Variants in PRKCH observed in about 807,000 individuals in gnomAD.
PRKCH encodes the protein protein kinase C eta type.
A neutral mutation model predicts 82.5 loss-of-function variants in PRKCH; 28 were observed. That is an observed-to-expected ratio of 0.34 (90% CI 0.25 to 0.47). PRKCH has a LOEUF of 0.47. Ranked by LOEUF, PRKCH falls within the 20% of genes least tolerant of loss-of-function variation. PRKCH has a pLI of 1.00. For synonymous variants in PRKCH, 322 were observed against 327.4 expected, an observed-to-expected ratio of 0.98 and a Z score of 0.18; for missense variants, 705 against 881.8, an observed-to-expected ratio of 0.80 and a Z score of 2.54.
intron 1 of PRKCH, among the ~76,000 whole-genome samples, chr14:61,234,585 A>G (rs930803899): frequency 2.0e-5 from 3 of 152,156 alleles, no homozygotes; most frequent in African/African-American, 7.2e-5. Flanking sequence ...CAATATTTTA[A>G]TTGCATGTTC....
chr14:61,528,280 A>G (rs1181294694), intron 10 of PRKCH, among the ~76,000 whole-genome samples: 1 of 151,624 alleles, frequency 6.6e-6, no homozygotes, highest in Non-Finnish European at 1.5e-5. Context: ...TGCAGCCTCA[A>G]CCTCCTGGGC....
In PRKCH at chr14:61,401,101, C is replaced by T. The variant is rs567924000; in HGVS notation, c.427+9813C>T. On this transcript the variant is annotated intron_variant, in intron 2 of 13. Coordinates refer to ENST00000332981, the MANE Select transcript of PRKCH (RefSeq NM_006255.5). ...TTTGCAAGGCTTCCCTTGAGTTCCT[C>T]CTCCTTAAACTGGAGGACCAACATT... 5.3e-4 allele frequency among the ~76,000 whole-genome samples: 80 copies of T among 152,292 alleles called. 2 individuals are homozygous for T. In the South Asian group the frequency reaches 6.4e-3, roughly 12 times the overall value.
intron 1 of PRKCH, among the ~76,000 whole-genome samples, chr14:61,387,841 A>G (rs753939908): frequency 3.3e-5 from 5 of 152,172 alleles, no homozygotes; most frequent in Admixed American, 1.3e-4. Context: ...TTCTGTTTTT[A>G]TTCTACTTTG....
intron 2 of PRKCH, among the ~76,000 whole-genome samples, chr14:61,439,685 C>G (rs1221462255): frequency 6.6e-6 from 1 of 151,978 alleles, no homozygotes; most frequent in African/African-American, 2.4e-5. Flanking sequence ...AGCATGTCAC[C>G]CGGCTTTAGG....
chr14:61,230,680 T>C (rs892448313), intron 1 of PRKCH, among the ~76,000 whole-genome samples: 1 of 152,214 alleles, frequency 6.6e-6, no homozygotes, highest in Non-Finnish European at 1.5e-5. Flanking sequence ...GTATGCAAAC[T>C]CTGACCACTG....
chr14:61,452,143 G>A (rs1012888918), intron 6 of PRKCH, among the ~76,000 whole-genome samples: 1 of 152,118 alleles, frequency 6.6e-6, no homozygotes, highest in African/African-American at 2.4e-5. Context: ...CAGCAATCCG[G>A]CTCTTGTGAT....
upstream of PRKCH, among the ~76,000 whole-genome samples, chr14:61,320,707 T>A (rs1309359299): frequency 6.6e-6 from 1 of 152,196 alleles, no homozygotes; most frequent in Non-Finnish European, 1.5e-5. Flanking sequence ...CAGCGTAGGC[T>A]AAAAGGTCCT....
intron 1 of PRKCH, among the ~76,000 whole-genome samples, chr14:61,325,754 A>G (rs913376820): frequency 6.6e-6 from 1 of 152,234 alleles, no homozygotes. Flanking sequence ...TAACAGCACA[A>G]TAATAATGAG....
Position 61,280,010 on chromosome 14 carries a change from G to A in PRKCH, c.-19+92342G>A. ...GGAAAAGCTAGGCGAGGTTGGAATT[G>A]GGTGACGGGCGAGGAGGAGATGCCA... On this transcript the variant is annotated intron_variant, in intron 1 of 3. Coordinates refer to the PRKCH transcript ENST00000555185. The surrounding 1 kb of genome is among the most constrained non-coding windows in gnomAD (Gnocchi z 5.0). The A allele has an allele frequency of 3.3e-6, 4 of 1,228,566 alleles. No individual in the cohort carries two copies. In the South Asian group the frequency reaches 6.3e-5, roughly 19 times the overall value. The allele number at this position is 1,228,566 out of a possible 1,614,324, so 76.1% of individuals were successfully genotyped here.
At chr14:61,542,065 G>T (rs141374268) in intron 12 of PRKCH, among the ~76,000 whole-genome samples, 2 of 152,118 alleles carry the variant, frequency 1.3e-5, no homozygotes, top group Non-Finnish European at 2.9e-5. Context: ...CGAGGCAGGC[G>T]GATCACTTGA....
At chr14:61,326,983 C>G in intron 1 of PRKCH, 1 of 447,518 alleles carries the variant, frequency 2.2e-6, no homozygotes, top group South Asian at 1.6e-5. Flanking sequence ...GGACCAGCAT[C>G]TAATGCTTAA....
chr14:61,376,199 G>T (rs188162301), intron 1 of PRKCH, among the ~76,000 whole-genome samples: 8 of 152,228 alleles, frequency 5.3e-5, no homozygotes, highest in African/African-American at 1.9e-4. Context: ...GGTTGTGAAG[G>T]TCTGCTCAGG....
intron 12 of PRKCH, among the ~76,000 whole-genome samples, chr14:61,536,411 C>T (rs1376623116): frequency 6.6e-6 from 1 of 152,090 alleles, no homozygotes; most frequent in Non-Finnish European, 1.5e-5. Context: ...AGATCCTTTC[C>T]CGGCCTGCTG....
At chr14:61,253,929 G>A (rs967991979) in intron 1 of PRKCH, among the ~76,000 whole-genome samples, 2 of 151,346 alleles carry the variant, frequency 1.3e-5, no homozygotes, top group Non-Finnish European at 2.9e-5. Flanking sequence ...AGGTAAACAC[G>A]TACACAAATG....
At chr14:61,513,136 C>T (rs1056207962) in intron 10 of PRKCH, among the ~76,000 whole-genome samples, 1 of 152,164 alleles carries the variant, frequency 6.6e-6, no homozygotes, top group Admixed American at 6.5e-5. Context: ...AAGCAGTTCT[C>T]ACCATTGCTT....
chr14:61,406,727 G>T (rs1188614566), intron 2 of PRKCH, among the ~76,000 whole-genome samples: 5 of 152,190 alleles, frequency 3.3e-5, no homozygotes, highest in African/African-American at 1.2e-4. Flanking sequence ...ACATAACTCA[G>T]TAGGTATTTC....
At chr14:61,330,347 C>T (rs969016979) in intron 1 of PRKCH, among the ~76,000 whole-genome samples, 11 of 152,170 alleles carry the variant, frequency 7.2e-5, no homozygotes, top group African/African-American at 2.4e-4. Context: ...AGAGGGACAT[C>T]GCAGATGCCC....
At chr14:61,227,825 A>C (rs1385517867) in intron 1 of PRKCH, among the ~76,000 whole-genome samples, 1 of 152,158 alleles carries the variant, frequency 6.6e-6, no homozygotes, top group African/African-American at 2.4e-5. Flanking sequence ...GCCAGATGTT[A>C]GCATGAGGGC....
intron 1 of PRKCH, among the ~76,000 whole-genome samples, chr14:61,213,502 A>G (rs867348899): frequency 6.6e-5 from 10 of 152,314 alleles, no homozygotes; most frequent in Middle Eastern, 3.4e-3. Flanking sequence ...TAGCTGGCAA[A>G]AGGCAACTGC....
Sources: allele counts gnomAD v4.1 joint callset (sites outside exome capture counted in the v4.1 genomes callset), GRCh38; gene constraint gnomAD v4.1.1; non-coding constraint Gnocchi (gnomAD v3.1); transcripts MANE v1.5; gene names NCBI Gene and HGNC (gene_info 2026-07-23, HGNC 2026-07-21).